The following FNBP1L variants were observed in gnomAD, a reference collection of about 807,000 sequenced individuals.
FNBP1L encodes the protein formin binding protein 1 like, also known as formin-binding protein 1-like.
FNBP1L carries 36 observed loss-of-function variants against 91.2 expected under a neutral mutation model. That is an observed-to-expected ratio of 0.39 (90% CI 0.30 to 0.52). The LOEUF is 0.52. FNBP1L is among the 20% of genes least tolerant of loss of function. FNBP1L has a pLI of 0.66. For missense variants in FNBP1L, 571 were observed against 732.1 expected (o/e 0.78, Z 2.54); for synonymous variants, 242 against 237.0 (o/e 1.02, Z -0.19).
intron 2 of FNBP1L, among the ~76,000 whole-genome samples, chr1:93,509,144 T>C (rs1369573366): frequency 6.6e-6 from 1 of 152,206 alleles, no homozygotes; most frequent in Non-Finnish European, 1.5e-5. Flanking sequence ...TTTTAGGATA[T>C]GTTAGGCTAT....
At chr1:93,495,373 G>A (rs1272091828) in intron 1 of FNBP1L, among the ~76,000 whole-genome samples, 3 of 152,126 alleles carry the variant, frequency 2.0e-5, no homozygotes, top group African/African-American at 7.2e-5. Flanking sequence ...ATTCTTAACA[G>A]TAAATGTATT....
At chr1:93,514,194 G>T (rs1421885316) in intron 2 of FNBP1L, among the ~76,000 whole-genome samples, 1 of 152,156 alleles carries the variant, frequency 6.6e-6, no homozygotes, top group African/African-American at 2.4e-5. Flanking sequence ...AAATACCTAG[G>T]AATCCAACTT....
intron 1 of FNBP1L, among the ~76,000 whole-genome samples, chr1:93,463,443 G>C (rs1326615301): frequency 6.6e-6 from 1 of 152,138 alleles, no homozygotes. Context: ...TTAACCAGTT[G>C]TAAAGTTGAA....
chr1:93,493,536 C>G (rs1185630420), intron 1 of FNBP1L, among the ~76,000 whole-genome samples: 4 of 152,162 alleles, frequency 2.6e-5, no homozygotes, highest in Non-Finnish European at 5.9e-5. Context: ...CTTCCTACCC[C>G]TGTTCCCTGT....
chr1:93,506,601 T>A (rs545449462), intron 2 of FNBP1L, among the ~76,000 whole-genome samples: 1 of 152,312 alleles, frequency 6.6e-6, no homozygotes, highest in South Asian at 2.1e-4. Flanking sequence ...ATGATTTATA[T>A]TCCATTTTAT....
At chr1:93,549,602 C>T (rs1324426089) in intron 15 of FNBP1L, among the ~76,000 whole-genome samples, 176 bp downstream of exon 15, 4 of 152,132 alleles carry the variant, frequency 2.6e-5, no homozygotes, top group Non-Finnish European at 5.9e-5. Flanking sequence ...AGATATTTTT[C>T]TTCCGTACAT....
At chr1:93,454,864 G>A (rs1668605346) in intron 1 of FNBP1L, among the ~76,000 whole-genome samples, 1 of 152,120 alleles carries the variant, frequency 6.6e-6, no homozygotes, top group African/African-American at 2.4e-5. Context: ...ATGGGACGAT[G>A]TGTGTAGGTT....
At chr1:93,514,715 A>G (rs1317761973) in intron 2 of FNBP1L, among the ~76,000 whole-genome samples, 1 of 151,786 alleles carries the variant, frequency 6.6e-6, no homozygotes, top group Non-Finnish European at 1.5e-5. Flanking sequence ...GGCTAGCCAT[A>G]TGTAGAAAGC....
intron 1 of FNBP1L, among the ~76,000 whole-genome samples, chr1:93,476,227 A>G (rs139329337): frequency 1.3e-5 from 2 of 152,334 alleles, no homozygotes; most frequent in East Asian, 3.9e-4. Context: ...TTCAGCTCTT[A>G]GTAGACTGTA....
intron 1 of FNBP1L, among the ~76,000 whole-genome samples, chr1:93,453,846 G>C (rs952346369): frequency 2.6e-5 from 4 of 152,244 alleles, no homozygotes; most frequent in African/African-American, 9.6e-5. Flanking sequence ...GCCTATTATG[G>C]CTTCAGCACT....
chr1:93,514,529 T>A (rs1392495594), intron 2 of FNBP1L, among the ~76,000 whole-genome samples: 2 of 152,108 alleles, frequency 1.3e-5, no homozygotes, highest in African/African-American at 4.8e-5. Context: ...ACTACAAGGC[T>A]ACAGTAACCA....
chr1:93,534,762 C>G lies in FNBP1L; in HGVS notation c.844C>G (p.Pro282Ala). Reference sequence around the variant, plus strand: ...TGGTTTTGAACCTCCAGGAGACTTTCCATTTGAAGATTACAGTCAACATAT... The same window carrying G: ...TGGTTTTGAACCTCCAGGAGACTTTGCATTTGAAGATTACAGTCAACATAT... The part of the protein sequence containing the change: ...KSGFEPPGDF[P>A]FEDYSQHIYR... Residue 282 changes from proline (P) to alanine (A), a missense_variant, in exon 9 of 17, where the codon CCA becomes GCA. By Grantham distance (27) the Pro-to-Ala change is conservative. Coordinates refer to ENST00000271234, the MANE Select transcript of FNBP1L (RefSeq NM_001164473.3). 6.4e-7 allele frequency: 1 copy of G among 1,572,194 alleles called. No individual in the cohort carries two copies. Among genetic ancestry groups the G allele is most frequent in the Non-Finnish European group, 8.6e-7 (1 of 1,156,536 alleles).
chr1:93,534,740 T>G lies in FNBP1L; in HGVS notation c.822T>G (p.Gly274=). 1 of 1,571,758 alleles carries G rather than the reference T, an allele frequency of 6.4e-7. No individual in the cohort carries two copies. The highest frequency in any genetic ancestry group is 8.7e-7 in the Non-Finnish European group (1 of 1,155,920). ...SQMVVDSFKS[G]FEPPGDFPFE... is the part of the protein sequence containing the mutation. ...TGGTGGTAGACTCCTTCAAATCTGG[T>G]TTTGAACCTCCAGGAGACTTTCCAT... The change falls in exon 9 of 17, where the codon GGT becomes GGG. Residue 274 remains glycine, a synonymous_variant. Coordinates refer to ENST00000271234, the MANE Select transcript of FNBP1L (RefSeq NM_001164473.3).
At chr1:93,474,441 A>G (rs1669421766) in intron 1 of FNBP1L, among the ~76,000 whole-genome samples, 1 of 152,178 alleles carries the variant, frequency 6.6e-6, no homozygotes, top group Non-Finnish European at 1.5e-5. Context: ...TACTCCGAAG[A>G]TAAGTATTGA....
In FNBP1L at chr1:93,499,553, A is replaced by T; in HGVS notation, c.110A>T (p.Glu37Val). The change falls in exon 2 of 17, where the codon GAA becomes GTA. Residue 37 changes from glutamate (E) to valine (V), a missense_variant. By Grantham distance (121) the Glu-to-Val change is moderately radical. This residue lies in a region of FNBP1L where 220 missense variants were observed against 313.6 expected (regional missense o/e 0.70). Coordinates refer to ENST00000271234, the MANE Select transcript of FNBP1L (RefSeq NM_001164473.3). ...GCCAAATTTGTTAAAGAGAGGATAG[A>T]AATTGAACAGAACTATGCGAAACAA... Reference protein sequence around the residue: ...RYAKFVKERIEIEQNYAKQLR... With the variant: ...RYAKFVKERIVIEQNYAKQLR... 2 of 1,600,822 alleles carry T rather than the reference A, an allele frequency of 1.2e-6. No individual in the cohort carries two copies. The highest frequency in any genetic ancestry group is 8.5e-7 in the Non-Finnish European group (1 of 1,173,758).
intron 1 of FNBP1L, among the ~76,000 whole-genome samples, chr1:93,464,212 C>T (rs1463231107): frequency 6.6e-6 from 1 of 152,200 alleles, no homozygotes; most frequent in Admixed American, 6.5e-5. Flanking sequence ...AGCAATTTCA[C>T]TTCTGAGCAT....
intron 1 of FNBP1L, among the ~76,000 whole-genome samples, chr1:93,481,027 A>G (rs181225956): frequency 4.2e-4 from 64 of 152,258 alleles, no homozygotes; most frequent in Admixed American, 3.1e-3. Context: ...GCTTCCTCCA[A>G]TGTATGATGT....
chr1:93,502,290 G>T (rs1035394275), intron 2 of FNBP1L, among the ~76,000 whole-genome samples: 1 of 152,086 alleles, frequency 6.6e-6, no homozygotes, highest in African/African-American at 2.4e-5. Flanking sequence ...TTGAATTGTA[G>T]TCTTTTCAAT....
intron 16 of FNBP1L, 56 bp downstream of exon 16, chr1:93,551,161 G>A: frequency 1.4e-6 from 2 of 1,471,154 alleles, no homozygotes; most frequent in South Asian, 1.6e-5. Context: ...TGTGACATAG[G>A]AAGAGTAACA....
Sources: gnomAD v4.1 joint callset for allele counts (sites outside exome capture counted in the v4.1 genomes callset) on GRCh38, gnomAD v4.1.1 for gene constraint, gnomAD v4.1.1 regional missense constraint, MANE v1.5 for transcripts, NCBI Gene and HGNC (gene_info 2026-07-23, HGNC 2026-07-21) for gene names.